BTBD7: variants seen among roughly 807,000 people sequenced by gnomAD.
BTBD7 encodes BTB domain containing 7, also known as BTB/POZ domain-containing protein 7.
In BTBD7, 38 loss-of-function variants were observed where a neutral mutation model predicts 99.9. The observed-to-expected ratio is 0.38, with a 90% confidence interval of 0.29 to 0.50. BTBD7 has a LOEUF of 0.50. Ranked by LOEUF, BTBD7 falls within the 20% of genes least tolerant of loss-of-function variation. BTBD7 has a pLI of 0.93. For synonymous variants in BTBD7, 520 were observed against 511.4 expected, an observed-to-expected ratio of 1.02 and a Z score of -0.23; for missense variants, 1,170 against 1,394.6, an observed-to-expected ratio of 0.84 and a Z score of 2.57.
At chr14:93,245,715 G>A in intron 10 of BTBD7, 110 bp downstream of exon 10, 1 of 1,498,736 alleles carries the variant, frequency 6.7e-7, no homozygotes. Context: ...CCACTTGTCA[G>A]CAATACTTCT....
rs1250896274 is a variant in BTBD7, at chr14:93,333,027, G to C, written c.-314C>G. 9.8e-6 allele frequency: 5 copies of C among 511,460 alleles called. No individual in the cohort carries two copies. Among genetic ancestry groups the C allele is most frequent in the Non-Finnish European group, 1.3e-5 (4 of 298,226 alleles). The allele number at this position is 511,460 out of a possible 1,614,324, so 31.7% of individuals were successfully genotyped here. ...CCCCTCGCCGCCATTTTGACTCCTA[G>C]ACGGAGCAGGAGGGGCTCGGTTCGG... is the stretch of plus-strand genomic sequence containing the variant. On this transcript the variant is annotated 5_prime_UTR_variant, in exon 1 of 11. Coordinates refer to ENST00000334746, the MANE Select transcript of BTBD7 (RefSeq NM_001002860.4).
rs200190933 is a variant in BTBD7 at position 93,257,389 on chromosome 14, A to T, written c.1448-34T>A. The T allele has an allele frequency of 5.7e-6, 9 of 1,573,604 alleles. No homozygotes were observed. The East Asian group carries it at 2.0e-4, about 35-fold the overall frequency. ...CAGAAAATGAAAAGTTTCCAACCAA[A>T]TCCAAATGTTCTGAGACAGGTTTCC... On this transcript the variant is annotated intron_variant, in intron 5 of 10. Transcript: ENST00000334746.
At chr14:93,300,480 ACTC>A (rs1222294922) in intron 1 of BTBD7, among the ~76,000 whole-genome samples, 1 of 149,936 alleles carries the variant, frequency 6.7e-6, no homozygotes, top group Non-Finnish European at 1.5e-5. Context: ...CTGGTCTTGA[ACTC>A]CTGATCTTGT....
chr14:93,278,211 G>C (rs974303337), intron 3 of BTBD7, among the ~76,000 whole-genome samples: 1 of 151,912 alleles, frequency 6.6e-6, no homozygotes, highest in African/African-American at 2.4e-5. Context: ...TCAGGAGTTC[G>C]AGACCAGCCT....
chr14:93,240,553 T>C lies in BTBD7; in HGVS notation c.*1720A>G, dbSNP rs1364741329. ...TGAGTGATTCATAGTTTTTTATATA[T>C]ATACATACATAGAAAAGAGGATCCC... On this transcript the variant is annotated 3_prime_UTR_variant, in exon 11 of 11. Coordinates refer to ENST00000334746, the MANE Select transcript of BTBD7 (RefSeq NM_001002860.4). 6.6e-6 allele frequency: 1 copy of C among 152,622 alleles called. No individual in the cohort carries two copies. The highest frequency in any genetic ancestry group is 2.4e-5 in the African/African-American group (1 of 41,456). 9.5% of individuals were successfully genotyped at this position (152,622 alleles called of 1,614,324 possible).
rs74929780 is a variant in BTBD7 at position 93,310,460 on chromosome 14, T to C, written c.-106-14303A>G. Among the ~76,000 whole-genome samples, 535 of 152,328 alleles carry C rather than the reference T, an allele frequency of 3.5e-3. 1 individual carries two copies. The highest frequency in any genetic ancestry group is 0.012 in the African/African-American group (504 of 41,578). On this transcript the variant is annotated intron_variant, in intron 1 of 10. Transcript: ENST00000334746. ...GAAATCAGGTTACCTGGTTGTTTCC[T>C]ATAGTTTGGATTTTGCCAAATGTAT...
chr14:93,256,118 T>C (rs994182468), intron 6 of BTBD7: 1 of 152,244 alleles, frequency 6.6e-6, no homozygotes, highest in African/African-American at 2.4e-5. Context: ...CCATTTAGTA[T>C]TTAATTCTTC....
intron 3 of BTBD7, among the ~76,000 whole-genome samples, chr14:93,290,886 T>C (rs1403799426): frequency 2.0e-5 from 3 of 151,754 alleles, no homozygotes; most frequent in Admixed American, 6.6e-5. Context: ...GGTTTCACCA[T>C]GTTGGTCAAG....
intron 3 of BTBD7, among the ~76,000 whole-genome samples, chr14:93,265,471 T>C (rs1479325007): frequency 2.0e-5 from 3 of 152,332 alleles, no homozygotes; most frequent in African/African-American, 7.2e-5. Context: ...GCTAAACCTG[T>C]GCTAAGTAAA....
At chr14:93,320,254 T>A (rs2053254918) in intron 1 of BTBD7, among the ~76,000 whole-genome samples, 1 of 152,186 alleles carries the variant, frequency 6.6e-6, no homozygotes, top group South Asian at 2.1e-4. Flanking sequence ...GGGGTGATTG[T>A]TCTCCCCTTC....
At chr14:93,298,779 T>C (rs1168994769) in intron 1 of BTBD7, among the ~76,000 whole-genome samples, 1 of 152,130 alleles carries the variant, frequency 6.6e-6, no homozygotes, top group Non-Finnish European at 1.5e-5. Flanking sequence ...CACAATTAGA[T>C]ATCCTAAAGC....
chr14:93,253,225 C>T (rs1432496009), intron 7 of BTBD7, among the ~76,000 whole-genome samples: 1 of 152,142 alleles, frequency 6.6e-6, no homozygotes, highest in Admixed American at 6.5e-5. Context: ...TAATTCCCAA[C>T]AGTCAGCTAT....
chr14:93,253,868 C>T (rs2052398487), intron 6 of BTBD7, 78 bp from the exon 7 acceptor site: 4 of 618,680 alleles, frequency 6.5e-6, no homozygotes, highest in Non-Finnish European at 4.7e-6. Context: ...ATATTTATAA[C>T]TATAAATAAA....
intron 3 of BTBD7, among the ~76,000 whole-genome samples, chr14:93,279,976 T>C (rs993501056): frequency 1.3e-5 from 2 of 152,240 alleles, no homozygotes; most frequent in African/African-American, 4.8e-5. Flanking sequence ...CTCAGGTTTA[T>C]AGACCTAATG....
intron 1 of BTBD7, among the ~76,000 whole-genome samples, chr14:93,299,555 C>T (rs1014037687): frequency 9.9e-5 from 15 of 151,828 alleles, no homozygotes; most frequent in African/African-American, 3.4e-4. Flanking sequence ...TTTCTAGAAT[C>T]ACCATTCTGG....
At position 93,242,111 on chromosome 14, in the gene BTBD7, A is replaced by T; in HGVS notation, c.*162T>A. The T allele has an allele frequency of 1.7e-6, 1 of 602,848 alleles. No homozygotes were observed. The highest frequency in any genetic ancestry group is 2.8e-6 in the Non-Finnish European group (1 of 355,948). The allele number at this position is 602,848 out of a possible 1,614,324, so 37.3% of individuals were successfully genotyped here. ...TAAAAAAAAAAAACAAAACCTTCTT[A>T]GCATGCCATGTCTAATAAACACATA... On this transcript the variant is annotated 3_prime_UTR_variant, in exon 11 of 11. Transcript: ENST00000334746.
chr14:93,301,683 T>C (rs966518670), intron 1 of BTBD7, among the ~76,000 whole-genome samples: 3 of 151,960 alleles, frequency 2.0e-5, no homozygotes, highest in African/African-American at 7.3e-5. Flanking sequence ...AGTGAGACTT[T>C]CTCAAAAACA....
In BTBD7 at chr14:93,253,652, C is replaced by G; in HGVS notation, c.1747G>C (p.Ala583Pro). ...CTTCAAATGGTTTTCATTACCTTTGCTTCTTCCACATAGGGAGAGAAGAGT... is the reference window on the plus strand; with the variant it reads ...CTTCAAATGGTTTTCATTACCTTTGGTTCTTCCACATAGGGAGAGAAGAGT... The part of the protein sequence containing the change: ...PRLFSPYVEE[A>P]KSVLDEMMVE... Residue 583 changes from alanine (A) to proline (P), a missense_variant, in exon 7 of 11, where the codon GCA becomes CCA. By Grantham distance (27) the Ala-to-Pro change is conservative. This residue lies in a region of BTBD7 where 309 missense variants were observed against 342.0 expected (regional missense o/e 0.90). Transcript: ENST00000334746. 1 of 1,609,172 alleles carries G rather than the reference C, an allele frequency of 6.2e-7. No individual in the cohort carries two copies. The highest frequency in any genetic ancestry group is 8.5e-7 in the Non-Finnish European group (1 of 1,176,520).
In BTBD7 at chr14:93,242,764, C is replaced by A; in HGVS notation, c.2908G>T (p.Gly970Cys). 1.2e-6 allele frequency: 2 copies of A among 1,614,154 alleles called. No homozygotes were observed. The highest frequency in any genetic ancestry group is 1.1e-5 in the South Asian group (1 of 91,060). The change falls in exon 11 of 11, where the codon GGT becomes TGT. Residue 970 changes from glycine (G) to cysteine (C), a missense_variant. Physicochemically the swap from Gly to Cys is radical, Grantham distance 159. Coordinates refer to ENST00000334746, the MANE Select transcript of BTBD7 (RefSeq NM_001002860.4). ...LSRRTPSPSQ[G>C]GYFGPDLYSH... Reference sequence around the variant, plus strand: ...TACAGATCGGGACCAAAATATCCACCTTGCGAAGGGGAAGGGGTGCGTCTG... The same window carrying A: ...TACAGATCGGGACCAAAATATCCACATTGCGAAGGGGAAGGGGTGCGTCTG...
Sources: allele counts gnomAD v4.1 joint callset (sites outside exome capture counted in the v4.1 genomes callset), GRCh38; gene constraint gnomAD v4.1.1; regional missense constraint gnomAD v4.1.1; transcripts MANE v1.5; gene names NCBI Gene and HGNC (gene_info 2026-07-23, HGNC 2026-07-21).